OCA2: variants seen among roughly 807,000 people sequenced by gnomAD.
The protein encoded by OCA2 is P protein.
A neutral mutation model predicts 100.2 loss-of-function variants in OCA2; 77 were observed. The observed-to-expected ratio is 0.77, with a 90% CI of 0.64 to 0.93. The LOEUF (loss-of-function observed/expected upper bound fraction) is 0.93, where lower values mean the gene tolerates loss of function less well. Among genes scored for constraint, OCA2 ranks in the 40% least tolerant of loss-of-function variants. OCA2 has a pLI of 0.00. For synonymous variants in OCA2, 432 were observed against 439.2 expected, an observed-to-expected ratio of 0.98 and a Z score of 0.21; for missense variants, 1,062 against 1,089.1, an observed-to-expected ratio of 0.98 and a Z score of 0.35.
chr15:27,767,036 C>T (rs1220242523), intron 23 of OCA2, among the ~76,000 whole-genome samples: 1 of 151,794 alleles, frequency 6.6e-6, no homozygotes, highest in Non-Finnish European at 1.5e-5. Flanking sequence ...AAATACCGGC[C>T]TCTGGAGTTG....
intron 2 of OCA2, among the ~76,000 whole-genome samples, chr15:28,044,319 T>C (rs895455033): frequency 3.9e-5 from 6 of 152,212 alleles, no homozygotes; most frequent in Admixed American, 6.5e-5. Flanking sequence ...TATCTCATGT[T>C]CCTAGGTAGA....
At chr15:28,054,200 A>ATGTATGTGTGTATGTATG (rs1168344248) in intron 2 of OCA2, among the ~76,000 whole-genome samples, 21 of 150,790 alleles carry the variant, frequency 1.4e-4, no homozygotes, top group African/African-American at 5.2e-4. Context: ...GTGTGCACAC[A>ATGTATGTGTGTATGTATG]TGTATGTGTG....
At chr15:28,058,794 G>T (rs1305451749) in intron 2 of OCA2, among the ~76,000 whole-genome samples, 1 of 152,232 alleles carries the variant, frequency 6.6e-6, no homozygotes. Flanking sequence ...AGGCAAGTGG[G>T]ACTAGAAGAG....
At chr15:27,860,791 T>G (rs778687675) in intron 21 of OCA2, among the ~76,000 whole-genome samples, 1 of 152,212 alleles carries the variant, frequency 6.6e-6, no homozygotes, top group African/African-American at 2.4e-5. Context: ...GGTAGAATGA[T>G]TCCATCTCCT....
intron 8 of OCA2, 48 bp from the exon 9 acceptor site, chr15:28,014,977 G>A (rs766696284): frequency 6.3e-7 from 1 of 1,593,816 alleles, no homozygotes; most frequent in South Asian, 1.1e-5. Context: ...CAACAGTTAG[G>A]GGACCTCCCT....
chr15:27,961,418 A>G lies in OCA2; in HGVS notation c.1637-3683T>C, dbSNP rs182861282. On this transcript the variant is annotated intron_variant, in intron 15 of 23. Coordinates refer to ENST00000354638, the MANE Select transcript of OCA2 (RefSeq NM_000275.3). ...GTTCCTCAAGGATCTAGAACCAGAA[A>G]TACCATTTGACCCAGCAATCCCATT... Among the ~76,000 whole-genome samples, 1,101 of 152,314 alleles carry G rather than the reference A, an allele frequency of 7.2e-3. 16 individuals are homozygous for G. Among genetic ancestry groups the G allele is most frequent in the African/African-American group, 0.026 (1,065 of 41,564 alleles).
chr15:27,852,279 G>C (rs1274750475), intron 21 of OCA2, among the ~76,000 whole-genome samples: 1 of 152,068 alleles, frequency 6.6e-6, no homozygotes, highest in East Asian at 1.9e-4. Context: ...TCTACATATG[G>C]CTAGCCAGTT....
the OCA2 span, among the ~76,000 whole-genome samples, chr15:27,733,096 C>T: frequency 6.6e-6 from 1 of 152,198 alleles, no homozygotes; most frequent in Non-Finnish European, 1.5e-5. Context: ...TCACGAATGC[C>T]TGCATTCTTT....
chr15:27,846,299 C>A (rs535943905), intron 22 of OCA2, among the ~76,000 whole-genome samples: 1 of 152,174 alleles, frequency 6.6e-6, no homozygotes, highest in Admixed American at 6.5e-5. Flanking sequence ...CTAATGTGGC[C>A]ATCATTTCTC....
intron 1 of OCA2, among the ~76,000 whole-genome samples, chr15:28,093,923 C>T (rs1566887955): frequency 2.0e-5 from 3 of 152,278 alleles, no homozygotes; most frequent in Admixed American, 6.5e-5. Flanking sequence ...AGTGGTTGTC[C>T]GGGGTTGAGT....
chr15:27,972,110 T>C (rs1016109828), intron 14 of OCA2, among the ~76,000 whole-genome samples: 2 of 152,226 alleles, frequency 1.3e-5, no homozygotes, highest in Admixed American at 1.3e-4. Context: ...CTTAGAATAA[T>C]GGCCTCCAGT....
At chr15:28,021,403 C>T (rs936873781) in intron 6 of OCA2, among the ~76,000 whole-genome samples, 1 of 152,204 alleles carries the variant, frequency 6.6e-6, no homozygotes. Flanking sequence ...AGAAACAACT[C>T]GCCTGAAACC....
the OCA2 span, among the ~76,000 whole-genome samples, chr15:27,738,238 C>T: frequency 6.6e-6 from 1 of 152,024 alleles, no homozygotes; most frequent in South Asian, 2.1e-4. Context: ...ATTAATAAGA[C>T]CTAGAAACAA....
At chr15:27,750,637 G>C (rs1230952052), downstream of OCA2, among the ~76,000 whole-genome samples, 1 of 152,166 alleles carries the variant, frequency 6.6e-6, no homozygotes, top group African/African-American at 2.4e-5. Context: ...TCTGATATCT[G>C]TCCTTTGGAG....
chr15:28,089,971 A>T (rs1168779101), intron 1 of OCA2, among the ~76,000 whole-genome samples: 1 of 152,228 alleles, frequency 6.6e-6, no homozygotes, highest in Admixed American at 6.5e-5. Flanking sequence ...ATTAAATAAC[A>T]ATATAGGTAG....
rs2043269355 is a variant in OCA2 at position 28,043,683 on chromosome 15, C to T, written c.228-11520G>A. On this transcript the variant is annotated intron_variant, in intron 2 of 23. Transcript: ENST00000354638. The surrounding 1 kb of genome is among the most constrained non-coding windows in gnomAD (Gnocchi z 4.4). ...AAGGATTGTTTTCAGGCAGAAAAAA[C>T]CCGAGGGAAGAAATCAGACCAACAT... is the stretch of plus-strand genomic sequence containing the variant. Among the ~76,000 whole-genome samples the T allele has an allele frequency of 6.6e-6, 1 of 152,160 alleles. No individual in the cohort carries two copies. Among genetic ancestry groups the T allele is most frequent in the African/African-American group, 2.4e-5 (1 of 41,426 alleles).
chr15:27,972,484 C>A (rs2140888660), intron 14 of OCA2, among the ~76,000 whole-genome samples: 1 of 152,282 alleles, frequency 6.6e-6, no homozygotes, highest in African/African-American at 2.4e-5. Context: ...TAAGCATTCC[C>A]TTTTTACCAC....
At chr15:27,999,521 G>A (rs2141098878) in intron 9 of OCA2, among the ~76,000 whole-genome samples, 1 of 152,328 alleles carries the variant, frequency 6.6e-6, no homozygotes, top group South Asian at 2.1e-4. Context: ...ACTCCATAGT[G>A]AAAAGCTGAA....
intron 2 of OCA2, among the ~76,000 whole-genome samples, chr15:28,076,406 G>A (rs997478800): frequency 6.6e-6 from 1 of 152,178 alleles, no homozygotes; most frequent in Non-Finnish European, 1.5e-5. Context: ...TTCCTGCTAA[G>A]TGGAAGACCA....
Sources: gnomAD v4.1 joint callset for allele counts (sites outside exome capture counted in the v4.1 genomes callset) on GRCh38, gnomAD v4.1.1 for gene constraint, Gnocchi (gnomAD v3.1) non-coding constraint, MANE v1.5 for transcripts, NCBI Gene and HGNC (gene_info 2026-07-23, HGNC 2026-07-21) for gene names.